The following KMT2C variants were observed in gnomAD, a reference collection of about 807,000 sequenced individuals.
The protein encoded by KMT2C is lysine methyltransferase 2C.
A neutral mutation model predicts 507.9 loss-of-function variants in KMT2C; 88 were observed. The ratio of observed to expected loss-of-function variants is 0.17; its 90% CI spans 0.15 to 0.21. KMT2C has a LOEUF of 0.21. KMT2C is among the 10% of genes least tolerant of loss of function. The pLI is 1.00. For synonymous variants in KMT2C, 2,049 were observed against 2,080.8 expected (o/e 0.98, Z 0.42); for missense variants, 4,954 against 5,957.8 (o/e 0.83, Z 5.55).
chr7:152,367,610 T>C, intron 1 of KMT2C: 1 of 1,349,132 alleles, frequency 7.4e-7, no homozygotes, highest in Non-Finnish European at 1.1e-6. Context: ...TCTCATAGAA[T>C]TAAAAAGACT....
intron 16 of KMT2C, among the ~76,000 whole-genome samples, chr7:152,231,482 C>T (rs201825542): frequency 0.044 from 3,222 of 73,566 alleles, no homozygotes; most frequent in Middle Eastern, 0.059. Context: ...TGAGGAACAA[C>T]TGAAAGAAGA....
Position 152,284,063 on chromosome 7 carries a change from A to C in KMT2C, c.850-10196T>G, listed in dbSNP as rs1364503817. Among the ~76,000 whole-genome samples, 3 of 152,188 alleles carry C rather than the reference A, an allele frequency of 2.0e-5. 1 individual carries two copies. Among genetic ancestry groups the C allele is most frequent in the Non-Finnish European group, 4.4e-5 (3 of 67,980 alleles). On this transcript the variant is annotated intron_variant, in intron 6 of 58. Coordinates refer to ENST00000262189, the MANE Select transcript of KMT2C (RefSeq NM_170606.3). ...ACTTTGAAATTGAAACAAAAACAAT[A>C]ATCTTTTCTTCTTTTAATGACTTTT...
Position 152,139,657 on chromosome 7 carries a change from C to T in KMT2C, c.14460+18G>A, listed in dbSNP as rs1257826056. On this transcript the variant is annotated intron_variant, in intron 56 of 58. Coordinates refer to ENST00000262189, the MANE Select transcript of KMT2C (RefSeq NM_170606.3). ...GATGATGGTGCTGTGTATACAATCT[C>T]GGGGACCAGACACCTACCTGAGACT... 6 of 1,522,438 alleles carry T rather than the reference C, an allele frequency of 3.9e-6. No homozygotes were observed. The African/African-American group carries it at 4.1e-5, about 10-fold the overall frequency. The allele number at this position is 1,522,438 out of a possible 1,614,324, so 94.3% of individuals were successfully genotyped here.
At chr7:152,265,915 G>A (rs2095851379) in intron 7 of KMT2C, among the ~76,000 whole-genome samples, 1 of 151,982 alleles carries the variant, frequency 6.6e-6, no homozygotes, top group African/African-American at 2.4e-5. Context: ...AAAAGAAAAT[G>A]TACTAACAGT....
At chr7:152,258,834 A>G (rs1341519042) in intron 9 of KMT2C, among the ~76,000 whole-genome samples, 1 of 152,126 alleles carries the variant, frequency 6.6e-6, no homozygotes, top group Admixed American at 6.6e-5. Flanking sequence ...CCTAGGGAGT[A>G]AGTTTTTCAA....
intron 1 of KMT2C, among the ~76,000 whole-genome samples, chr7:152,369,269 A>C (rs893078086): frequency 1.3e-5 from 2 of 151,900 alleles, no homozygotes; most frequent in African/African-American, 4.8e-5. Context: ...ACTGCAGTGA[A>C]CCAAGATCAC....
intron 31 of KMT2C, among the ~76,000 whole-genome samples, chr7:152,188,970 C>T (rs1266542874): frequency 6.6e-6 from 1 of 152,156 alleles, no homozygotes; most frequent in Non-Finnish European, 1.5e-5. Flanking sequence ...ATATATCTAT[C>T]ACTAAAAATC....
At chr7:152,277,415 G>C (rs2096103140) in intron 6 of KMT2C, among the ~76,000 whole-genome samples, 1 of 151,674 alleles carries the variant, frequency 6.6e-6, no homozygotes, top group Non-Finnish European at 1.5e-5. Context: ...AAAATGGGAG[G>C]GATTATAATC....
rs764452079 is a variant in KMT2C at position 152,194,025 on chromosome 7, C to A, written c.4644G>T (p.Leu1548Phe). 22 of 1,569,902 alleles carry A rather than the reference C, an allele frequency of 1.4e-5. No individual in the cohort carries two copies. Among genetic ancestry groups the A allele is most frequent in the Middle Eastern group, 1.7e-4 (1 of 5,870 alleles). ...LPQPPPPTQL[L>F]PIHNQDAFSR... The stretch of plus-strand genomic sequence containing the variant: ...ATAACATACCCTGATTGTGTATTGG[C>A]AACAGCTGTGTTGGTGGGGGAGGCT... The change falls in exon 31 of 59, where the codon TTG (leucine) becomes TTT (phenylalanine). Residue 1548 changes from leucine (L) to phenylalanine (F), a missense_variant. Physicochemically the swap from Leu to Phe is conservative, Grantham distance 22 (BLOSUM62 0). Around this residue, in one of 29 missense-constraint regions of KMT2C, gnomAD observed 195 missense variants for 183.7 expected, o/e 1.06. Transcript: ENST00000262189.
chr7:152,302,039 A>T (rs1370439810), intron 6 of KMT2C, among the ~76,000 whole-genome samples: 2 of 152,182 alleles, frequency 1.3e-5, no homozygotes, highest in African/African-American at 4.8e-5. Context: ...TGCAGTCTAC[A>T]AAAAGAACAA....
chr7:152,239,515 C>G (rs1369468009), intron 14 of KMT2C, among the ~76,000 whole-genome samples: 12 of 148,152 alleles, frequency 8.1e-5, no homozygotes, highest in South Asian at 4.4e-4. Context: ...AACGTTAAAG[C>G]AAATTGTCCT....
In KMT2C at chr7:152,156,411, C is replaced by T. The variant is rs113502495; in HGVS notation, c.11671-65G>A. On this transcript the variant is annotated intron_variant, in intron 44 of 58. Coordinates refer to ENST00000262189, the MANE Select transcript of KMT2C (RefSeq NM_170606.3). Reference sequence around the variant, plus strand: ...CGAATATGCAATGACCTTGCTAAAACGTAGTTCTGTGAATTTTTTGCACAT... The same window carrying T: ...CGAATATGCAATGACCTTGCTAAAATGTAGTTCTGTGAATTTTTTGCACAT... 2.5e-4 allele frequency: 400 copies of T among 1,568,976 alleles called. 2 individuals carry two copies. The highest frequency in any genetic ancestry group is 1.8e-3 in the African/African-American group (130 of 73,338).
intron 18 of KMT2C, among the ~76,000 whole-genome samples, chr7:152,227,702 G>A (rs960034519): frequency 6.6e-6 from 1 of 152,202 alleles, no homozygotes; most frequent in Non-Finnish European, 1.5e-5. Context: ...AAGCAATAAC[G>A]ACTAAGAGCT....
At position 152,248,607 on chromosome 7, in the gene KMT2C, A is replaced by G. The variant is rs1231765092; in HGVS notation, c.1827T>C (p.His609=). ...GTTTTTCCAATTCAGTATTCACTGT[A>G]TGTTGGGATGATACTACAAAATTCA... The part of the protein sequence containing the change: ...DSLLIAVSSQ[H]TVNTELEKQI... The change falls in exon 14 of 59, where the codon CAT becomes CAC. Residue 609 remains histidine, a synonymous_variant. Transcript: ENST00000262189. The G allele has an allele frequency of 6.2e-7, 1 of 1,603,600 alleles. No homozygotes were observed. The highest frequency in any genetic ancestry group is 2.2e-5 in the East Asian group (1 of 44,792).
Position 152,297,019 on chromosome 7 carries a change from A to AAG in KMT2C, c.849+12945_849+12946dup, listed in dbSNP as rs759672020. Among the ~76,000 whole-genome samples the AAG allele has an allele frequency of 1.4e-3, 129 of 91,738 alleles. No individual in the cohort carries two copies. In the Middle Eastern group the frequency reaches 0.015, roughly 11 times the overall value. The allele number at this position is 91,738 out of a possible 152,430, so 60.2% of individuals were successfully genotyped here. On this transcript the variant is annotated intron_variant, in intron 6 of 58. Transcript: ENST00000262189. ...AGAAAAAGAAAGAAAGAAAGAAAGA[A>AAG]AGAAAGAAAGAAAGAAAGAAAGAAA...
chr7:152,273,239 A>G lies in KMT2C; in HGVS notation c.1012+466T>C, dbSNP rs1441832293. On this transcript the variant is annotated intron_variant, in intron 7 of 58. Coordinates refer to ENST00000262189, the MANE Select transcript of KMT2C (RefSeq NM_170606.3). ...AAAGGTACTAGCAGAGATTTCTATTATACCTATCAGGGAAACACAATTTCT... is the reference window on the plus strand; with the variant it reads ...AAAGGTACTAGCAGAGATTTCTATTGTACCTATCAGGGAAACACAATTTCT... Among the ~76,000 whole-genome samples the G allele has an allele frequency of 2.6e-5, 4 of 152,234 alleles. 1 individual carries two copies. In the South Asian group the frequency reaches 8.3e-4, roughly 31 times the overall value.
chr7:152,376,485 T>G (rs113469484), intron 1 of KMT2C, among the ~76,000 whole-genome samples: 6 of 152,318 alleles, frequency 3.9e-5, no homozygotes, highest in South Asian at 2.1e-4. Flanking sequence ...AAAAGCACTA[T>G]GTCAGTGAAC....
intron 1 of KMT2C, among the ~76,000 whole-genome samples, chr7:152,419,316 G>C (rs1247206949): frequency 6.6e-6 from 1 of 152,020 alleles, no homozygotes; most frequent in South Asian, 2.1e-4. Context: ...ATGCCACTGG[G>C]CTCCAGCCTG....
In KMT2C at chr7:152,339,168, G is replaced by A. The variant is rs796120360; in HGVS notation, c.251-8429C>T. 1.4e-4 allele frequency among the ~76,000 whole-genome samples: 21 copies of A among 152,266 alleles called. No individual in the cohort carries two copies. The East Asian group carries it at 1.7e-3, about 13-fold the overall frequency. The stretch of plus-strand genomic sequence containing the variant: ...ATACATTAGTATATTCTTTCAAAGC[G>A]TCCTACTTTTTCAATGGATTTTTAA... On this transcript the variant is annotated intron_variant, in intron 2 of 58. Transcript: ENST00000262189.
Sources: allele counts gnomAD v4.1 joint callset (sites outside exome capture counted in the v4.1 genomes callset), GRCh38; gene constraint gnomAD v4.1.1; regional missense constraint gnomAD v4.1.1; transcripts MANE v1.5; gene names NCBI Gene and HGNC (gene_info 2026-07-23, HGNC 2026-07-21).